The following ZNF566 variants were observed in gnomAD, a reference collection of about 807,000 sequenced individuals.
ZNF566 encodes zinc finger protein 566.
A neutral mutation model predicts 32.8 loss-of-function variants in ZNF566; 27 were observed. That is an observed-to-expected ratio of 0.82 (90% CI 0.61 to 1.14). The LOEUF (loss-of-function observed/expected upper bound fraction) is 1.14. Among genes scored for constraint, ZNF566 ranks in the 50% most tolerant of loss-of-function variants. The pLI is 0.00. For synonymous variants in ZNF566, 154 were observed against 159.5 expected, an observed-to-expected ratio of 0.97 and a Z score of 0.26; for missense variants, 402 against 490.4, an observed-to-expected ratio of 0.82 and a Z score of 1.70.
Position 36,472,965 on chromosome 19 carries a change from G to A in ZNF566, c.178C>T (p.Gln60Ter). ...TCAGCCAACCAGGGCTCCTTCCCTT[G>A]CTCCAAGTAGGAGATCACATTTGGT... The part of the protein sequence containing the change: ...SKPNVISYLE[Q>*]GKEPWLADRE... Residue 60 changes from glutamine (Q) to a stop codon, truncating the protein, a stop_gained, in exon 4 of 5, where the codon CAA (glutamine) becomes TAA (stop). Transcript: ENST00000452939. LOFTEE classifies it high-confidence loss of function. 2 of 1,614,002 alleles carry A rather than the reference G, an allele frequency of 1.2e-6. No individual in the cohort carries two copies. The highest frequency in any genetic ancestry group is 1.7e-6 in the Non-Finnish European group (2 of 1,179,962).
At chr19:36,482,056 TGAAGTTGAATATATACAA>T (rs2034045970) in intron 1 of ZNF566, among the ~76,000 whole-genome samples, 2 of 152,200 alleles carry the variant, frequency 1.3e-5, no homozygotes, top group Admixed American at 6.5e-5. Context: ...CAGAAACGAA[TGAAGTTGAATATATACAA>T]GGAGTCTGTG....
intron 4 of ZNF566, among the ~76,000 whole-genome samples, chr19:36,462,132 G>A (rs1300116524): frequency 6.6e-6 from 1 of 151,832 alleles, no homozygotes; most frequent in Admixed American, 6.6e-5. Context: ...GGGATTAGAG[G>A]CATGCACCAC....
chr19:36,449,369 C>T lies in ZNF566; in HGVS notation c.865G>A (p.Gly289Arg), dbSNP rs200172215. 25 of 1,614,002 alleles carry T rather than the reference C, an allele frequency of 1.5e-5. No individual in the cohort carries two copies. The highest frequency in any genetic ancestry group is 1.0e-4 in the Admixed American group (6 of 59,982). Residue 289 changes from glycine to arginine, a missense_variant, in exon 5 of 5, where the codon GGG (glycine) becomes AGG (arginine). Physicochemically the swap from Gly to Arg is moderately radical, Grantham distance 125. This residue lies in a region of ZNF566 where 135 missense variants were observed against 210.0 expected (regional missense o/e 0.64). Transcript: ENST00000452939. The part of the protein sequence containing the change: ...GEKPYECKEC[G>R]KAFSSGSNFT... Reference sequence around the variant, plus strand: ...TTTGAGCCACTACTAAAGGCCTTCCCGCATTCTTTGCATTCATAAGGCTTC... The same window carrying T: ...TTTGAGCCACTACTAAAGGCCTTCCTGCATTCTTTGCATTCATAAGGCTTC...
Position 36,487,992 on chromosome 19 carries a change from G to C in ZNF566, c.-60+1494C>G, listed in dbSNP as rs181137655. Among the ~76,000 whole-genome samples, 12 of 151,924 alleles carry C rather than the reference G, an allele frequency of 7.9e-5. No individual in the cohort carries two copies. The East Asian group carries it at 2.3e-3, about 29-fold the overall frequency. On this transcript the variant is annotated intron_variant, in intron 1 of 4. Coordinates refer to ENST00000452939, the MANE Select transcript of ZNF566 (RefSeq NM_001145344.1). The stretch of plus-strand genomic sequence containing the variant: ...GTGGGGGAGAAATTACTGAGAAGTG[G>C]TATGAGGGAAGCATCTCAGGTCCTG...
In ZNF566 at chr19:36,453,497, AAATAAATAAATTAATT is replaced by A. The variant is rs1222149420; in HGVS notation, c.233-3512_233-3497del. On this transcript the variant is annotated intron_variant, in intron 4 of 4. Transcript: ENST00000452939. ...CAAATAAATAAATAAATAAATAAAT[AAATAAATAAATTAATT>A]AATTAAAATAAAATAAAAATAAAAA... 3.1e-4 allele frequency among the ~76,000 whole-genome samples: 39 copies of A among 125,374 alleles called. 1 individual carries two copies. Among genetic ancestry groups the A allele is most frequent in the Admixed American group, 1.3e-3 (16 of 12,504 alleles). The allele number at this position is 125,374 out of a possible 152,430, so 82.3% of individuals were successfully genotyped here.
At chr19:36,472,832 G>A (rs1311188488) in intron 4 of ZNF566, 79 bp downstream of exon 4, 2 of 1,174,844 alleles carry the variant, frequency 1.7e-6, no homozygotes, top group East Asian at 4.8e-5. Flanking sequence ...AGCCTGTGAG[G>A]AGAGTTTCCC....
intron 1 of ZNF566, among the ~76,000 whole-genome samples, chr19:36,482,578 T>G (rs150904638): frequency 6.6e-6 from 1 of 152,186 alleles, no homozygotes; most frequent in African/African-American, 2.4e-5. Flanking sequence ...GATGTTTGTT[T>G]ACTATATACT....
intron 1 of ZNF566, among the ~76,000 whole-genome samples, chr19:36,485,628 G>A (rs1304247285): frequency 1.3e-5 from 2 of 151,632 alleles, no homozygotes; most frequent in Non-Finnish European, 2.9e-5. Context: ...CGGGGGTGGT[G>A]GCAGGTGCGT....
chr19:36,450,500 G>A (rs535177648), intron 4 of ZNF566, among the ~76,000 whole-genome samples: 6 of 152,064 alleles, frequency 3.9e-5, no homozygotes, highest in African/African-American at 1.2e-4. Context: ...AAAATCTAGT[G>A]GGGCATGGTG....
intron 4 of ZNF566, among the ~76,000 whole-genome samples, chr19:36,451,784 G>A (rs375173771): frequency 3.3e-5 from 5 of 152,236 alleles, no homozygotes; most frequent in South Asian, 2.1e-4. Context: ...GAGGCGGGCC[G>A]ATCACGAGGT....
intron 4 of ZNF566, among the ~76,000 whole-genome samples, chr19:36,467,962 G>A (rs1229268693): frequency 2.6e-5 from 4 of 151,474 alleles, no homozygotes; most frequent in African/African-American, 4.9e-5. Context: ...GAGGCAGGCC[G>A]ATCACCTGAG....
In ZNF566 at chr19:36,449,316, A is replaced by C; in HGVS notation, c.918T>G (p.Thr306=). Residue 306 remains threonine (T), a synonymous_variant, in exon 5 of 5, where the codon ACT becomes ACG. Coordinates refer to ENST00000452939, the MANE Select transcript of ZNF566 (RefSeq NM_001145344.1). Reference sequence around the variant, plus strand: ...CCTTACATTCATAGGGTTTTTCCCCAGTATGAATTCTCTGATGTTGAGTAA... The same window carrying C: ...CCTTACATTCATAGGGTTTTTCCCCCGTATGAATTCTCTGATGTTGAGTAA... ...SNFTQHQRIH[T]GEKPYECKEC... 4 of 1,614,164 alleles carry C rather than the reference A, an allele frequency of 2.5e-6. No individual in the cohort carries two copies. Among genetic ancestry groups the C allele is most frequent in the Non-Finnish European group, 3.4e-6 (4 of 1,179,998 alleles).
Position 36,449,782 on chromosome 19 carries a change from G to C in ZNF566, c.452C>G (p.Thr151Ser), listed in dbSNP as rs1274191393. ...QLVFTHEDLPTLSHHPSFTLQ... is the reference protein window; with the variant it reads ...QLVFTHEDLPSLSHHPSFTLQ... ...TGTGAAGGATGGATGGTGACTCAAA[G>C]TGGGCAGATCTTCATGAGTGAATAC... Residue 151 changes from threonine (T) to serine (S), a missense_variant, in exon 5 of 5, where the codon ACT becomes AGT. Thr to Ser is a moderately conservative substitution (Grantham distance 58). This residue lies in a region of ZNF566 where 220 missense variants were observed against 241.9 expected (regional missense o/e 0.91). Transcript: ENST00000452939. 3 of 1,614,136 alleles carry C rather than the reference G, an allele frequency of 1.9e-6. No homozygotes were observed. The highest frequency in any genetic ancestry group is 1.7e-5 in the Admixed American group (1 of 60,012).
intron 4 of ZNF566, among the ~76,000 whole-genome samples, chr19:36,455,972 G>A (rs1401940318): frequency 6.6e-6 from 1 of 150,766 alleles, no homozygotes; most frequent in African/African-American, 2.4e-5. Flanking sequence ...CCGGGAGGCC[G>A]AGCTTGCAGT....
intron 4 of ZNF566, among the ~76,000 whole-genome samples, chr19:36,450,577 G>C (rs1382258852): frequency 6.6e-6 from 1 of 152,304 alleles, no homozygotes; most frequent in East Asian, 1.9e-4. Flanking sequence ...CCGGGAGGCA[G>C]AGGTTGCAGT....
chr19:36,483,997 T>C (rs1354392717), intron 1 of ZNF566, among the ~76,000 whole-genome samples: 1 of 152,106 alleles, frequency 6.6e-6, no homozygotes, highest in Non-Finnish European at 1.5e-5. Context: ...GTCAGCCTCC[T>C]GAGTAGCTGG....
rs374833866 is a variant in ZNF566, at chr19:36,449,824, C to G, written c.410G>C (p.Gly137Ala). Residue 137 changes from glycine (G) to alanine (A), a missense_variant, in exon 5 of 5, where the codon GGA becomes GCA. Around this residue, in one of 3 missense-constraint regions of ZNF566, gnomAD observed 220 missense variants for 241.9 expected, o/e 0.91. Transcript: ENST00000452939. ...QFKKELGSQG[G>A]HFNQLVFTHE... Reference sequence around the variant, plus strand: ...AGTGAATACCAATTGATTGAAATGTCCCCCCTGAGAGCCGAGTTCTTTCTT... The same window carrying G: ...AGTGAATACCAATTGATTGAAATGTGCCCCCTGAGAGCCGAGTTCTTTCTT... The G allele has an allele frequency of 1.9e-6, 3 of 1,614,056 alleles. No homozygotes were observed. The highest frequency in any genetic ancestry group is 4.5e-5 in the East Asian group (2 of 44,868).
chr19:36,453,803 A>T (rs1890222853), intron 4 of ZNF566, among the ~76,000 whole-genome samples: 2 of 151,006 alleles, frequency 1.3e-5, no homozygotes, highest in African/African-American at 4.9e-5. Context: ...GAGTAGCTGA[A>T]ACTAGACATG....
In ZNF566 at chr19:36,468,359, A is replaced by T. The variant is rs554493190; in HGVS notation, c.232+4552T>A. ...AGTGGCTTGCTCCTGTAATCCCAAC[A>T]CTTTGGGAGGTTGAGGTGGGAGGAT... On this transcript the variant is annotated intron_variant, in intron 4 of 4. Coordinates refer to ENST00000452939, the MANE Select transcript of ZNF566 (RefSeq NM_001145344.1). Among the ~76,000 whole-genome samples the T allele has an allele frequency of 2.0e-5, 3 of 151,784 alleles. 1 individual carries two copies. The highest frequency in any genetic ancestry group is 7.3e-5 in the African/African-American group (3 of 41,106).
Sources: allele counts gnomAD v4.1 joint callset (sites outside exome capture counted in the v4.1 genomes callset), GRCh38; gene constraint gnomAD v4.1.1; regional missense constraint gnomAD v4.1.1; transcripts MANE v1.5; gene names NCBI Gene and HGNC (gene_info 2026-07-23, HGNC 2026-07-21).